Variants in WDR37 observed in about 807,000 individuals in gnomAD.
WDR37 encodes WD repeat-containing protein 37.
A neutral mutation model predicts 62.9 loss-of-function variants in WDR37; 19 were observed. The ratio of observed to expected loss-of-function variants is 0.30; its 90% CI spans 0.21 to 0.44. The LOEUF is 0.44. Among genes scored for constraint, WDR37 ranks in the 20% least tolerant of loss-of-function variants. The probability of loss-of-function intolerance (pLI) is 1.00; values close to 1 mark genes in which losing one functional copy is unlikely to be tolerated. For synonymous variants in WDR37, 250 were observed against 260.9 expected, an observed-to-expected ratio of 0.96 and a Z score of 0.40; for missense variants, 474 against 657.6, an observed-to-expected ratio of 0.72 and a Z score of 3.05.
intron 1 of WDR37, among the ~76,000 whole-genome samples, chr10:1,060,259 C>T (rs1833333111): frequency 6.6e-6 from 1 of 152,120 alleles, no homozygotes; most frequent in Admixed American, 6.5e-5. Context: ...TGTGCTGCAT[C>T]ACAGCTGTGT....
At chr10:1,062,484 T>C (rs1310151465) in intron 1 of WDR37, among the ~76,000 whole-genome samples, 1 of 152,192 alleles carries the variant, frequency 6.6e-6, no homozygotes, top group Non-Finnish European at 1.5e-5. Flanking sequence ...GGGAAACCCT[T>C]TGCTGGTTTT....
intron 9 of WDR37, among the ~76,000 whole-genome samples, chr10:1,101,105 G>A (rs4880763): frequency 0.13 from 20,155 of 152,224 alleles, 1,818 homozygotes; most frequent in Non-Finnish European, 0.2. Flanking sequence ...AGCAGAGGGC[G>A]CTTCAGTTCT....
chr10:1,076,376 C>G (rs1589085042), intron 2 of WDR37, among the ~76,000 whole-genome samples: 1 of 152,010 alleles, frequency 6.6e-6, no homozygotes, highest in Admixed American at 6.6e-5. Flanking sequence ...TATAGTGCAT[C>G]TTTTTAAAAA....
At chr10:1,094,615 T>C (rs1253354651) in intron 8 of WDR37, among the ~76,000 whole-genome samples, 1 of 152,016 alleles carries the variant, frequency 6.6e-6, no homozygotes, top group African/African-American at 2.4e-5. Flanking sequence ...TGTGGGATGA[T>C]TGAAAAGGGA....
intron 7 of WDR37, among the ~76,000 whole-genome samples, chr10:1,086,760 TAATGCTGTCCACGGAGTG>T (rs1834214878): frequency 6.6e-6 from 1 of 152,236 alleles, no homozygotes; most frequent in Admixed American, 6.5e-5. Context: ...TGCCCGTAGT[TAATGCTGTCCACGGAGTG>T]AATGCTGTCC....
Position 1,084,425 on chromosome 10 carries a change from C to T in WDR37, c.419C>T (p.Thr140Met), listed in dbSNP as rs757009863. The change falls in exon 6 of 14, where the codon ACG becomes ATG. Residue 140 changes from threonine (T) to methionine (M), a missense_variant. Thr to Met is a moderately conservative substitution (Grantham distance 81). Transcript: ENST00000263150. ...TSKIVSSFKTTTSRAACQLVK... is the reference protein window; with the variant it reads ...TSKIVSSFKTMTSRAACQLVK... ...CAGATTGTCTCCAGCTTTAAGACCA[C>T]GACATCGAGAGCTGCCTGCCAGCTC... is the stretch of plus-strand genomic sequence containing the variant. 17 of 1,613,954 alleles carry T rather than the reference C, an allele frequency of 1.1e-5. No homozygotes were observed. Among genetic ancestry groups the T allele is most frequent in the East Asian group, 4.5e-5 (2 of 44,890 alleles).
chr10:1,124,778 T>C, intron 12 of WDR37, 132 bp from the exon 13 acceptor site: 1 of 1,199,894 alleles, frequency 8.3e-7, no homozygotes. Flanking sequence ...AAGCAGGTGG[T>C]ACACGCAGTG....
rs148585301 is a variant in WDR37 at position 1,106,908 on chromosome 10, C to T, written c.1103+1641C>T. On this transcript the variant is annotated intron_variant, in intron 11 of 13. Coordinates refer to ENST00000263150, the MANE Select transcript of WDR37 (RefSeq NM_014023.4). ...GGAGCAGGCAGCAGTCACGACCATGCGTAGAGATCTTTATGGCAGCCTGGG... is the reference window on the plus strand; with the variant it reads ...GGAGCAGGCAGCAGTCACGACCATGTGTAGAGATCTTTATGGCAGCCTGGG... 8.9e-4 allele frequency among the ~76,000 whole-genome samples: 136 copies of T among 152,326 alleles called. 2 individuals are homozygous for T. In the East Asian group the frequency reaches 0.024, roughly 27 times the overall value.
intron 2 of WDR37, among the ~76,000 whole-genome samples, chr10:1,073,910 A>G (rs899841853): frequency 6.6e-6 from 1 of 152,102 alleles, no homozygotes; most frequent in Non-Finnish European, 1.5e-5. Context: ...ACACAGTCGC[A>G]TGCTGAGGTC....
At chr10:1,074,380 A>G (rs774790417) in intron 2 of WDR37, 15 of 1,289,670 alleles carry the variant, frequency 1.2e-5, no homozygotes, top group Non-Finnish European at 1.5e-5. Flanking sequence ...AAGGTAGCTC[A>G]GAGGTCTCCA....
chr10:1,086,238 A>G (rs757813551), intron 6 of WDR37, 48 bp from the exon 7 acceptor site: 40 of 1,514,646 alleles, frequency 2.6e-5, no homozygotes, highest in African/African-American at 1.6e-4. Context: ...TTGAAAAACT[A>G]TAAACTGATG....
At chr10:1,062,715 G>A (rs187492718) in intron 1 of WDR37, among the ~76,000 whole-genome samples, 105 of 152,304 alleles carry the variant, frequency 6.9e-4, no homozygotes, top group Middle Eastern at 3.4e-3. Flanking sequence ...TTGGCTTTCT[G>A]CTTGCGGAAA....
chr10:1,128,518 C>G (rs1162195378), intron 13 of WDR37, among the ~76,000 whole-genome samples: 1 of 152,226 alleles, frequency 6.6e-6, no homozygotes, highest in East Asian at 1.9e-4. Flanking sequence ...TATATGACAC[C>G]AAATGTATTT....
intron 5 of WDR37, among the ~76,000 whole-genome samples, chr10:1,081,244 C>CT (rs1834019529): frequency 6.6e-6 from 1 of 152,078 alleles, no homozygotes; most frequent in Non-Finnish European, 1.5e-5. Context: ...TCGTGCTGAC[C>CT]TTCTTAAAGT....
chr10:1,070,217 A>AT (rs1409254158), intron 1 of WDR37, among the ~76,000 whole-genome samples: 1 of 151,918 alleles, frequency 6.6e-6, no homozygotes, highest in Non-Finnish European at 1.5e-5. Flanking sequence ...CAAAAAAAAA[A>AT]AAAAAAAAAT....
chr10:1,092,431 C>T (rs1161406919), intron 7 of WDR37, among the ~76,000 whole-genome samples: 2 of 151,106 alleles, frequency 1.3e-5, no homozygotes, highest in African/African-American at 4.8e-5. Flanking sequence ...CAGTGGCTCG[C>T]GGATCTTGGC....
At position 1,121,564 on chromosome 10, in the gene WDR37, C is replaced by G. The variant is rs1444894463; in HGVS notation, c.1104-2654C>G. The stretch of plus-strand genomic sequence containing the variant: ...TCGTAACCCGTGCTGCTCTCGTTAC[C>G]CAGGCTGGGCGTTTGCTTGTGTCCT... On this transcript the variant is annotated intron_variant, in intron 11 of 13. Coordinates refer to ENST00000263150, the MANE Select transcript of WDR37 (RefSeq NM_014023.4). The surrounding 1 kb of genome is among the most constrained non-coding windows in gnomAD (Gnocchi z 4.5). Among the ~76,000 whole-genome samples, 1 of 152,162 alleles carries G rather than the reference C, an allele frequency of 6.6e-6. No homozygotes were observed. The highest frequency in any genetic ancestry group is 1.9e-4 in the East Asian group (1 of 5,192).
At chr10:1,069,389 A>ATATATATATATTTTTTTTTTTTT in intron 1 of WDR37, among the ~76,000 whole-genome samples, 13 of 95,774 alleles carry the variant, frequency 1.4e-4, no homozygotes, top group African/African-American at 5.6e-4. Flanking sequence ...ATATATATAT[A>ATATATATATATTTTTTTTTTTTT]TTTTTTTTTT....
intron 13 of WDR37, among the ~76,000 whole-genome samples, chr10:1,128,849 C>G (rs912693499): frequency 6.6e-6 from 1 of 150,608 alleles, no homozygotes; most frequent in Non-Finnish European, 1.5e-5. Flanking sequence ...TGGTCCTGCT[C>G]AGTGGTCCAT....
Sources: allele counts gnomAD v4.1 joint callset (sites outside exome capture counted in the v4.1 genomes callset), GRCh38; gene constraint gnomAD v4.1.1; non-coding constraint Gnocchi (gnomAD v3.1); transcripts MANE v1.5; gene names NCBI Gene and HGNC (gene_info 2026-07-23, HGNC 2026-07-21).